Variants in PDGFD observed in about 807,000 individuals in gnomAD.
PDGFD encodes platelet derived growth factor D.
Under a neutral mutation model 44.7 loss-of-function variants are expected in PDGFD, and 30 were observed. The observed-to-expected ratio is 0.67, with a 90% confidence interval of 0.50 to 0.91. PDGFD has a LOEUF of 0.91. Among genes scored for constraint, PDGFD ranks in the 40% least tolerant of loss-of-function variants. PDGFD has a pLI of 0.00. For synonymous variants in PDGFD, 173 were observed against 168.4 expected, an observed-to-expected ratio of 1.03 and a Z score of -0.21; for missense variants, 445 against 457.8, an observed-to-expected ratio of 0.97 and a Z score of 0.25.
At chr11:104,142,956 C>A (rs1368040858) in intron 1 of PDGFD, among the ~76,000 whole-genome samples, 1 of 152,190 alleles carries the variant, frequency 6.6e-6, no homozygotes, top group African/African-American at 2.4e-5. Flanking sequence ...GGGAACAGAG[C>A]TGCTCTCTGA....
intron 1 of PDGFD, among the ~76,000 whole-genome samples, chr11:104,044,786 C>G (rs190194393): frequency 1.3e-5 from 2 of 152,268 alleles, no homozygotes; most frequent in African/African-American, 4.8e-5. Flanking sequence ...CCCCTGTAAT[C>G]CCAGCACTTT....
At chr11:103,919,159 G>A (rs1858170350) in intron 6 of PDGFD, among the ~76,000 whole-genome samples, 1 of 152,188 alleles carries the variant, frequency 6.6e-6, no homozygotes, top group Non-Finnish European at 1.5e-5. Flanking sequence ...CTACTAAATG[G>A]AGTGTGACTG....
chr11:104,076,799 T>A (rs954609735), intron 1 of PDGFD, among the ~76,000 whole-genome samples: 6 of 152,206 alleles, frequency 3.9e-5, no homozygotes, highest in Non-Finnish European at 7.3e-5. Context: ...CAAGCCCTTC[T>A]CTTTCTTCTC....
intron 1 of PDGFD, among the ~76,000 whole-genome samples, chr11:104,137,762 AACCT>A (rs1382796518): frequency 1.2e-4 from 15 of 121,596 alleles, no homozygotes; most frequent in Non-Finnish European, 3.3e-5. Context: ...TTTACATTCT[AACCT>A]ACTGGATATC....
intron 1 of PDGFD, among the ~76,000 whole-genome samples, chr11:104,104,729 T>C (rs1011324053): frequency 6.6e-6 from 1 of 152,130 alleles, no homozygotes; most frequent in African/African-American, 2.4e-5. Flanking sequence ...AAAATGCCTA[T>C]ATTTCTGACA....
chr11:104,087,263 T>C (rs1861145851), intron 1 of PDGFD, among the ~76,000 whole-genome samples: 1 of 149,210 alleles, frequency 6.7e-6, no homozygotes, highest in Non-Finnish European at 1.5e-5. Context: ...TGGTGCAATC[T>C]CAGCTTACTG....
At chr11:104,103,327 T>G (rs1861423552) in intron 1 of PDGFD, among the ~76,000 whole-genome samples, 1 of 151,870 alleles carries the variant, frequency 6.6e-6, no homozygotes, top group Admixed American at 6.6e-5. Flanking sequence ...TTTTCCTCAG[T>G]CTCCTCTGTA....
intron 6 of PDGFD, among the ~76,000 whole-genome samples, chr11:103,920,587 T>C (rs1027872904): frequency 3.3e-5 from 5 of 152,222 alleles, no homozygotes; most frequent in Non-Finnish European, 7.3e-5. Flanking sequence ...CAGTTTGTAA[T>C]ACTTAAACAA....
At chr11:104,135,389 T>C (rs578191565) in intron 1 of PDGFD, among the ~76,000 whole-genome samples, 1 of 152,300 alleles carries the variant, frequency 6.6e-6, no homozygotes, top group South Asian at 2.1e-4. Flanking sequence ...ATTGACTGTT[T>C]GTGTGGCAGG....
At chr11:103,952,952 G>A (rs890921790) in intron 3 of PDGFD, among the ~76,000 whole-genome samples, 2 of 152,284 alleles carry the variant, frequency 1.3e-5, no homozygotes, top group Admixed American at 6.5e-5. Flanking sequence ...AGTTTAGGAT[G>A]CACAGTTTGG....
chr11:104,038,165 A>G (rs965305776), intron 1 of PDGFD: 5 of 752,828 alleles, frequency 6.6e-6, no homozygotes, highest in African/African-American at 1.8e-5. Flanking sequence ...ACTAACGTCA[A>G]TCCTGATTCC....
intron 1 of PDGFD, among the ~76,000 whole-genome samples, chr11:104,024,818 C>T (rs987469571): frequency 1.3e-5 from 2 of 152,176 alleles, no homozygotes; most frequent in Admixed American, 1.3e-4. Context: ...TACAAATGAC[C>T]TATTTGCACA....
At chr11:104,154,584 G>A (rs1314498922) in intron 1 of PDGFD, among the ~76,000 whole-genome samples, 2 of 152,144 alleles carry the variant, frequency 1.3e-5, no homozygotes, top group Admixed American at 6.5e-5. Flanking sequence ...AAGAGAAACA[G>A]TAAAACAACT....
At chr11:104,109,010 G>A (rs361290) in intron 1 of PDGFD, among the ~76,000 whole-genome samples, 66,791 of 147,862 alleles carry the variant, frequency 0.45, 15,998 homozygotes, top group African/African-American at 0.62. Flanking sequence ...ATGAGAACAC[G>A]TGGACACAGG....
intron 1 of PDGFD, among the ~76,000 whole-genome samples, chr11:104,015,663 G>C (rs1048368256): frequency 6.6e-6 from 1 of 152,068 alleles, no homozygotes; most frequent in African/African-American, 2.4e-5. Context: ...TGAATGAAAT[G>C]GGTTTTAATA....
chr11:103,994,671 T>C (rs2134361989), intron 3 of PDGFD, among the ~76,000 whole-genome samples: 1 of 152,280 alleles, frequency 6.6e-6, no homozygotes, highest in South Asian at 2.1e-4. Flanking sequence ...TACTGTGTTC[T>C]ATTTTGGCAT....
chr11:104,073,925 A>C (rs1860915275), intron 1 of PDGFD, among the ~76,000 whole-genome samples: 1 of 152,148 alleles, frequency 6.6e-6, no homozygotes, highest in Non-Finnish European at 1.5e-5. Context: ...CTTGGTAAAA[A>C]CTGTCTGGCA....
chr11:104,053,362 A>T (rs968978931), intron 1 of PDGFD, among the ~76,000 whole-genome samples: 1 of 152,192 alleles, frequency 6.6e-6, no homozygotes, highest in African/African-American at 2.4e-5. Context: ...AACCCTTTGC[A>T]TGTGTGTATC....
chr11:104,119,532 T>C (rs1432290096), intron 1 of PDGFD, among the ~76,000 whole-genome samples: 1 of 12,990 alleles, frequency 7.7e-5, no homozygotes, highest in African/African-American at 1.6e-4. Flanking sequence ...TATATTGATA[T>C]AATATATAAT....
Sources: gnomAD v4.1 joint callset for allele counts (sites outside exome capture counted in the v4.1 genomes callset) on GRCh38, gnomAD v4.1.1 for gene constraint, MANE v1.5 for transcripts, NCBI Gene and HGNC (gene_info 2026-07-23, HGNC 2026-07-21) for gene names.